Variants in PTCHD1 observed in about 807,000 individuals in gnomAD.
PTCHD1 encodes patched domain containing 1, also known as patched domain-containing protein 1.
A neutral mutation model predicts 34.6 loss-of-function variants in PTCHD1; 3 were observed. The ratio of observed to expected loss-of-function variants is 0.09; its 90% CI spans 0.04 to 0.22. The LOEUF (loss-of-function observed/expected upper bound fraction) is 0.22, where lower values mean the gene tolerates loss of function less well. PTCHD1 is among the 10% of genes least tolerant of loss of function. PTCHD1 has a pLI of 1.00. For missense variants in PTCHD1, 504 were observed against 685.5 expected, an observed-to-expected ratio of 0.74 and a Z score of 2.96; for synonymous variants, 305 against 283.1, an observed-to-expected ratio of 1.08 and a Z score of -0.77.
At position 23,396,815 on chromosome X, in the gene PTCHD1, A is replaced by T. The variant is rs1923001333; in HGVS notation, c.*2630A>T. 1 of 112,381 alleles carries T rather than the reference A, an allele frequency of 8.9e-6. No homozygotes were observed. Among genetic ancestry groups the T allele is most frequent in the Admixed American group, 9.5e-5 (1 of 10,533 alleles). The allele number at this position is 112,381 out of a possible 1,213,427, so 9.3% of individuals were successfully genotyped here. A position where few individuals can be genotyped will look rare whatever the true frequency, so the allele number is the denominator to read the frequency against. ...TTTCTATTGGGAGATTATGCATGCC[A>T]AGATTTATTATTTATTGTTAGATAA... is the stretch of plus-strand genomic sequence containing the variant. On this transcript the variant is annotated 3_prime_UTR_variant, in exon 3 of 3. Transcript: ENST00000379361.
rs1191163069 is a variant in PTCHD1 at position 23,393,425 on chromosome X, A to T, written c.1907A>T (p.Tyr636Phe). ...FQEDIIFSKKYNDEVDVVASR... is the reference protein window; with the variant it reads ...FQEDIIFSKKFNDEVDVVASR... ...GAGGACATCATCTTCTCTAAAAAAT[A>T]CAATGATGAGGTCGATGTAGTGGCC... is the stretch of plus-strand genomic sequence containing the variant. The change falls in exon 3 of 3, where the codon TAC (tyrosine) becomes TTC (phenylalanine). Residue 636 changes from tyrosine (Y) to phenylalanine (F), a missense_variant. Physicochemically the swap from Tyr to Phe is conservative, Grantham distance 22. Transcript: ENST00000379361. The T allele has an allele frequency of 3.3e-6, 4 of 1,211,441 alleles. No individual in the cohort carries two copies. In the East Asian group the frequency reaches 1.2e-4, roughly 36 times the overall value.
intron 1 of PTCHD1, among the ~76,000 whole-genome samples, chrX:23,373,481 G>T (rs1922327356): frequency 8.9e-6 from 1 of 112,728 alleles, no homozygotes; most frequent in Non-Finnish European, 1.9e-5. Context: ...GTGTCCTCTG[G>T]AAATGTAATA....
chrX:23,339,997 T>C (rs1921265050), intron 1 of PTCHD1, among the ~76,000 whole-genome samples: 1 of 111,487 alleles, frequency 9.0e-6, no homozygotes, highest in African/African-American at 3.3e-5. Flanking sequence ...CATCTGGCAA[T>C]GGCTGGAGAC....
At chrX:23,370,901 A>G (rs1922259940) in intron 1 of PTCHD1, among the ~76,000 whole-genome samples, 1 of 111,451 alleles carries the variant, frequency 9.0e-6, no homozygotes, top group African/African-American at 3.3e-5. Flanking sequence ...TCTTTTTTCT[A>G]AAATCCTGCC....
At chrX:23,367,014 C>G (rs997969117) in intron 1 of PTCHD1, among the ~76,000 whole-genome samples, 2 of 110,222 alleles carry the variant, frequency 1.8e-5, no homozygotes, top group African/African-American at 6.6e-5. Flanking sequence ...CTCCCTATAC[C>G]CCTTTAGCTA....
At chrX:23,338,171 G>C (rs1279818133) in intron 1 of PTCHD1, among the ~76,000 whole-genome samples, 1 of 111,872 alleles carries the variant, frequency 8.9e-6, no homozygotes, top group African/African-American at 3.3e-5. Flanking sequence ...GAAGGCTACA[G>C]GGCAACGATG....
At chrX:23,361,071 A>T (rs1921968764) in intron 1 of PTCHD1, among the ~76,000 whole-genome samples, 1 of 111,850 alleles carries the variant, frequency 8.9e-6, no homozygotes. Context: ...ACTTCCAACT[A>T]TGTGGTCAGT....
At chrX:23,371,338 A>G (rs776128584) in intron 1 of PTCHD1, among the ~76,000 whole-genome samples, 1 of 112,039 alleles carries the variant, frequency 8.9e-6, no homozygotes, top group Non-Finnish European at 1.9e-5. Flanking sequence ...AGAGAACAGC[A>G]TCATGAGGCA....
rs1364719536 is a variant in PTCHD1, at chrX:23,400,813, G to C, written c.*6628G>C. ...GATGGAGGAATATTAGCTCAACTTT[G>C]TAGCATCTGATGTAAAGTTTGAGGG... On this transcript the variant is annotated 3_prime_UTR_variant, in exon 3 of 3. Coordinates refer to ENST00000379361, the MANE Select transcript of PTCHD1 (RefSeq NM_173495.3). 1 of 111,200 alleles carries C rather than the reference G, an allele frequency of 9.0e-6. No homozygotes were observed. The highest frequency in any genetic ancestry group is 3.3e-5 in the African/African-American group (1 of 30,506). 9.2% of individuals were successfully genotyped at this position (111,200 alleles called of 1,213,427 possible).
chrX:23,361,369 C>G (rs921335870), intron 1 of PTCHD1, among the ~76,000 whole-genome samples: 1 of 112,008 alleles, frequency 8.9e-6, no homozygotes, highest in African/African-American at 3.2e-5. Flanking sequence ...ATAGTTAGTT[C>G]TTCTTGTTGA....
At chrX:23,359,178 T>C (rs1162149738) in intron 1 of PTCHD1, among the ~76,000 whole-genome samples, 1 of 112,700 alleles carries the variant, frequency 8.9e-6, no homozygotes, top group Non-Finnish European at 1.9e-5. Flanking sequence ...TTTCCAATTC[T>C]GTGAAGAAAG....
rs184291897 is a variant in PTCHD1 at position 23,397,891 on chromosome X, C to A, written c.*3706C>A. 1 of 111,691 alleles carries A rather than the reference C, an allele frequency of 9.0e-6. No individual in the cohort carries two copies. The highest frequency in any genetic ancestry group is 9.5e-5 in the Admixed American group (1 of 10,548). The allele number at this position is 111,691 out of a possible 1,213,427, so 9.2% of individuals were successfully genotyped here. A position where few individuals can be genotyped will look rare whatever the true frequency, so the allele number is the denominator to read the frequency against. On this transcript the variant is annotated 3_prime_UTR_variant, in exon 3 of 3. Transcript: ENST00000379361. ...TTATCTTCCTCATAATGGCTTTATT[C>A]TTTTGGATCCTATTAAAGTACCCCT...
chrX:23,392,942 C>T lies in PTCHD1; in HGVS notation c.1424C>T (p.Ala475Val), dbSNP rs1457232518. The change falls in exon 3 of 3, where the codon GCG becomes GTG. Residue 475 changes from alanine to valine, a missense_variant. By Grantham distance (64) the Ala-to-Val change is moderately conservative. Transcript: ENST00000379361. Reference sequence around the variant, plus strand: ...GAGGACACAGCTGAAGGCGAGGAAGCGAACACTTACGAGAGTCACCTATTG... The same window carrying T: ...GAGGACACAGCTGAAGGCGAGGAAGTGAACACTTACGAGAGTCACCTATTG... ...FSEDTAEGEEANTYESHLLVC... is the reference protein window; with the variant it reads ...FSEDTAEGEEVNTYESHLLVC... 8.3e-7 allele frequency: 1 copy of T among 1,211,978 alleles called. No homozygotes were observed. The highest frequency in any genetic ancestry group is 2.3e-4 in the Middle Eastern group (1 of 4,356).
intron 1 of PTCHD1, among the ~76,000 whole-genome samples, chrX:23,357,155 G>T (rs1056060233): frequency 2.7e-5 from 3 of 111,805 alleles, no homozygotes; most frequent in Non-Finnish European, 5.6e-5. Flanking sequence ...TTAGCTTACT[G>T]GTCTTGAAGT....
At chrX:23,346,668 G>T (rs777571042) in intron 1 of PTCHD1, among the ~76,000 whole-genome samples, 46 of 112,268 alleles carry the variant, frequency 4.1e-4, no homozygotes, top group Non-Finnish European at 7.7e-4. Flanking sequence ...CCAAGGGTTA[G>T]TTGGTGAGAA....
At chrX:23,334,713 C>G (rs1487925744), upstream of PTCHD1, 1 of 107,466 alleles carries the variant, frequency 9.3e-6, no homozygotes, top group Non-Finnish European at 1.9e-5. Context: ...CGGGACTCCC[C>G]GATGGTGGTG....
At chrX:23,380,448 CAA>C in intron 2 of PTCHD1, 197 bp downstream of exon 2, 1 of 497,739 alleles carries the variant, frequency 2.0e-6, no homozygotes, top group Non-Finnish European at 3.6e-6. Flanking sequence ...GCCAGAAGTT[CAA>C]AGTCCTGGGT....
chrX:23,382,425 G>C (rs186730109), intron 2 of PTCHD1, among the ~76,000 whole-genome samples: 253 of 112,431 alleles, frequency 2.3e-3, no homozygotes, highest in African/African-American at 7.7e-3. Context: ...ACTTTTTAAA[G>C]AGGTTTTAAA....
In PTCHD1 at chrX:23,397,716, A is replaced by G. The variant is rs887378606; in HGVS notation, c.*3531A>G. On this transcript the variant is annotated 3_prime_UTR_variant, in exon 3 of 3. Transcript: ENST00000379361. ...CTTGACCCTTTAATTCTAACTAACC[A>G]TCACCCAATCGTAAGTGGCATTATG... 4 of 110,867 alleles carry G rather than the reference A, an allele frequency of 3.6e-5. No individual in the cohort carries two copies. Among genetic ancestry groups the G allele is most frequent in the African/African-American group, 1.3e-4 (4 of 30,363 alleles). The allele number at this position is 110,867 out of a possible 1,213,427, so 9.1% of individuals were successfully genotyped here.
Sources: allele counts gnomAD v4.1 joint callset (sites outside exome capture counted in the v4.1 genomes callset), GRCh38; gene constraint gnomAD v4.1.1; transcripts MANE v1.5; gene names NCBI Gene and HGNC (gene_info 2026-07-23, HGNC 2026-07-21).